Variants in WDR62 observed in about 807,000 individuals in gnomAD.
The protein encoded by WDR62 is WD repeat domain 62.
Under a neutral mutation model 160.6 loss-of-function variants are expected in WDR62, and 112 were observed. The ratio of observed to expected loss-of-function variants is 0.70; its 90% CI spans 0.60 to 0.82. WDR62 has a LOEUF of 0.82. Ranked by LOEUF, WDR62 falls within the 40% of genes least tolerant of loss-of-function variation. The pLI is 0.00. For missense variants in WDR62, 1,819 were observed against 1,983.8 expected (o/e 0.92, Z 1.58); for synonymous variants, 792 against 815.1 (o/e 0.97, Z 0.48).
chr19:36,092,036 C>T (rs941340100), intron 18 of WDR62, among the ~76,000 whole-genome samples: 6 of 152,074 alleles, frequency 3.9e-5, no homozygotes, highest in East Asian at 1.9e-4. Flanking sequence ...TGAGGCCGGG[C>T]GCAGTGGCTC....
chr19:36,106,452 T>C (rs114415364), downstream of WDR62, among the ~76,000 whole-genome samples: 1,948 of 152,000 alleles, frequency 0.013, 28 homozygotes, highest in South Asian at 0.042. Flanking sequence ...CCTGCCCTCA[T>C]GGCCACTCAC....
Position 36,099,896 on chromosome 19 carries a change from A to C in WDR62, c.2739+279A>C, listed in dbSNP as rs561006439. Among the ~76,000 whole-genome samples the C allele has an allele frequency of 1.9e-3, 285 of 152,268 alleles. 3 individuals carry two copies. Among genetic ancestry groups the C allele is most frequent in the African/African-American group, 6.7e-3 (278 of 41,564 alleles). ...GGTAGATCGAGCCCTGACCCTACCC[A>C]TTCCTGTTGTGTGACCTGGAGTAAG... On this transcript the variant is annotated intron_variant, in intron 22 of 31. Transcript: ENST00000401500.
downstream of WDR62, among the ~76,000 whole-genome samples, chr19:36,106,725 G>C (rs893988640): frequency 6.6e-6 from 1 of 152,258 alleles, no homozygotes; most frequent in African/African-American, 2.4e-5. Flanking sequence ...GAGGGCAGGA[G>C]CTGAGGTGCA....
At chr19:36,106,794 T>A (rs537017783), downstream of WDR62, among the ~76,000 whole-genome samples, 13 of 152,184 alleles carry the variant, frequency 8.5e-5, no homozygotes, top group South Asian at 2.7e-3. Context: ...TCCAGAACAG[T>A]TTTTTGTTTT....
downstream of WDR62, among the ~76,000 whole-genome samples, chr19:36,107,462 A>G (rs1375061907): frequency 6.6e-6 from 1 of 151,980 alleles, no homozygotes; most frequent in Non-Finnish European, 1.5e-5. Context: ...CAGGTGCACA[A>G]TGACATGAGG....
chr19:36,080,231 C>T (rs533577907), intron 9 of WDR62, among the ~76,000 whole-genome samples: 230 of 151,720 alleles, frequency 1.5e-3, no homozygotes, highest in Non-Finnish European at 2.7e-3. Flanking sequence ...CCTCAGCCTC[C>T]TGAGTAGCTG....
intron 9 of WDR62, chr19:36,076,023 CAT>C (rs965406082): frequency 6.6e-6 from 1 of 152,130 alleles, no homozygotes; most frequent in Non-Finnish European, 1.5e-5. Flanking sequence ...ATTATAAACT[CAT>C]ATATATTTAA....
At position 36,094,175 on chromosome 19, in the gene WDR62, G is replaced by A. The variant is rs1198882952; in HGVS notation, c.2467+11G>A. On this transcript the variant is annotated intron_variant, in intron 20 of 31. Coordinates refer to ENST00000401500, the MANE Select transcript of WDR62 (RefSeq NM_001083961.2). The stretch of plus-strand genomic sequence containing the variant: ...ATAGCTTGGATCCAGGTTGGAAAAG[G>A]GGCCCTATTTTGAACTATGTCAGTG... The A allele has an allele frequency of 6.2e-7, 1 of 1,613,770 alleles. No individual in the cohort carries two copies. The highest frequency in any genetic ancestry group is 1.1e-5 in the South Asian group (1 of 91,060).
rs1353459177 is a variant in WDR62, at chr19:36,067,932, T to C, written c.804T>C (p.Ser268=). 8 of 1,614,044 alleles carry C rather than the reference T, an allele frequency of 5.0e-6. No individual in the cohort carries two copies. Among genetic ancestry groups the C allele is most frequent in the Non-Finnish European group, 6.8e-6 (8 of 1,180,036 alleles). ...GCGGTCGGGGCCGGATGGCGGGCAG[T>C]ACCTTCTGTGTGTCCTACTCGGGCC... The part of the protein sequence containing the change: ...VACGRGRMAG[S]TFCVSYSGLL... The change falls in exon 7 of 32, where the codon AGT becomes AGC. Residue 268 remains serine, a synonymous_variant. Transcript: ENST00000401500.
rs974713610 is a variant in WDR62 at position 36,090,378 on chromosome 19, G to A, written c.1959-67G>A. ...CTTCCAGGGGAGGGGAGGACAGCAA[G>A]AGCCAGAGAATGAGGTGGTGGGGTA... On this transcript the variant is annotated intron_variant, in intron 15 of 31. Coordinates refer to ENST00000401500, the MANE Select transcript of WDR62 (RefSeq NM_001083961.2). The A allele has an allele frequency of 4.0e-6, 6 of 1,505,024 alleles. No homozygotes were observed. In the African/African-American group the frequency reaches 8.3e-5, roughly 21 times the overall value. The allele number at this position is 1,505,024 out of a possible 1,614,324, so 93.2% of individuals were successfully genotyped here. A position where few individuals can be genotyped will look rare whatever the true frequency, so the allele number is the denominator to read the frequency against.
chr19:36,103,414 A>G lies in WDR62; in HGVS notation c.3586A>G (p.Thr1196Ala). 1 of 1,613,422 alleles carries G rather than the reference A, an allele frequency of 6.2e-7. No individual in the cohort carries two copies. Among genetic ancestry groups the G allele is most frequent in the Non-Finnish European group, 8.5e-7 (1 of 1,179,826 alleles). The change falls in exon 30 of 32, where the codon ACG (threonine) becomes GCG (alanine). Residue 1196 changes from threonine to alanine, a missense_variant. Thr to Ala is a moderately conservative substitution (Grantham distance 58). Transcript: ENST00000401500. Reference protein sequence around the residue: ...SVLPTDRNLPTPTSAPTPGLA... With the variant: ...SVLPTDRNLPAPTSAPTPGLA... ...GCTGCCCACAGACAGGAATCTCCCAACGCCCACATCTGCACCCACCCCAGG... is the reference window on the plus strand; with the variant it reads ...GCTGCCCACAGACAGGAATCTCCCAGCGCCCACATCTGCACCCACCCCAGG...
At chr19:36,101,068 G>C in intron 23 of WDR62, 146 bp from the exon 24 acceptor site, 2 of 1,163,940 alleles carry the variant, frequency 1.7e-6, no homozygotes, top group Non-Finnish European at 2.5e-6. Context: ...CTGGGGGAAG[G>C]AGGGGGCATT....
downstream of WDR62, among the ~76,000 whole-genome samples, chr19:36,105,432 C>G (rs538984119): frequency 6.6e-6 from 1 of 152,158 alleles, no homozygotes; most frequent in Admixed American, 6.6e-5. Flanking sequence ...CTACCTTGCC[C>G]AGCAGTCCAC....
At chr19:36,078,152 GTTTTTTTT>G (rs60096728) in intron 9 of WDR62, among the ~76,000 whole-genome samples, 4 of 138,216 alleles carry the variant, frequency 2.9e-5, no homozygotes, top group Non-Finnish European at 6.4e-5. Flanking sequence ...AAGTTTTTTT[GTTTTTTTT>G]TTTTTGAAAC....
intron 23 of WDR62, 43 bp downstream of exon 23, chr19:36,100,918 C>G: frequency 1.9e-6 from 3 of 1,613,456 alleles, no homozygotes; most frequent in Non-Finnish European, 2.5e-6. Context: ...TGGAGGAACC[C>G]CCAGCTGATA....
chr19:36,082,069 G>A (rs565138993), intron 10 of WDR62: 3 of 355,384 alleles, frequency 8.4e-6, no homozygotes, highest in African/African-American at 6.4e-5. Flanking sequence ...GCTGAGACCT[G>A]AGTCATGCAT....
intron 22 of WDR62, 22 bp downstream of exon 22, chr19:36,099,639 T>A (rs1406479926): frequency 6.2e-7 from 1 of 1,612,414 alleles, no homozygotes; most frequent in Non-Finnish European, 8.5e-7. Context: ...CACCGCAGCC[T>A]GGCCCATAGC....
At position 36,103,464 on chromosome 19, in the gene WDR62, C is replaced by T; in HGVS notation, c.3636C>T (p.Pro1212=). The T allele has an allele frequency of 1.2e-6, 2 of 1,614,202 alleles. No homozygotes were observed. Among genetic ancestry groups the T allele is most frequent in the Non-Finnish European group, 1.7e-6 (2 of 1,180,028 alleles). The change falls in exon 30 of 32, where the codon CCC becomes CCT. Residue 1212 remains proline (P), a synonymous_variant. Coordinates refer to ENST00000401500, the MANE Select transcript of WDR62 (RefSeq NM_001083961.2). ...GCCTGGCTCAGGGTGTCCATGCCCC[C>T]TCCACCTGTTCCTACATGGAGGCCA... ...TPGLAQGVHA[P]STCSYMEATA...
At chr19:36,071,128 C>G (rs1971271598) in intron 7 of WDR62, 1 of 202,252 alleles carries the variant, frequency 4.9e-6, no homozygotes, top group Non-Finnish European at 1.0e-5. Flanking sequence ...CACTTGAACC[C>G]AGGAGGTGGA....
Sources: allele counts gnomAD v4.1 joint callset (sites outside exome capture counted in the v4.1 genomes callset), GRCh38; gene constraint gnomAD v4.1.1; transcripts MANE v1.5; gene names NCBI Gene and HGNC (gene_info 2026-07-23, HGNC 2026-07-21).